SLC30A9: variants seen among roughly 807,000 people sequenced by gnomAD.
The protein encoded by SLC30A9 is solute carrier family 30 member 9.
A neutral mutation model predicts 87.5 loss-of-function variants in SLC30A9; 58 were observed. That is an observed-to-expected ratio of 0.66 (90% CI 0.54 to 0.82). The LOEUF is 0.82. SLC30A9 is among the 40% of genes least tolerant of loss of function. The probability of loss-of-function intolerance (pLI) is 0.00; values close to 1 mark genes in which losing one functional copy is unlikely to be tolerated. For missense variants in SLC30A9, 557 were observed against 679.1 expected (o/e 0.82, Z 2.00); for synonymous variants, 234 against 233.0 (o/e 1.00, Z -0.04).
intron 2 of SLC30A9, among the ~76,000 whole-genome samples, chr4:42,009,796 T>C (rs2581442): frequency 0.67 from 102,232 of 152,188 alleles, 37,291 homozygotes; most frequent in East Asian, 0.96. Flanking sequence ...AGTTCAATAA[T>C]GTTGAGCATT....
intron 15 of SLC30A9, 53 bp downstream of exon 15, chr4:42,070,744 CAG>C (rs771068316): frequency 2.1e-5 from 30 of 1,453,702 alleles, no homozygotes; most frequent in Non-Finnish European, 2.7e-5. Context: ...TATTAAAAAA[CAG>C]AAATGCCTGG....
At chr4:42,062,241 G>C (rs1370828619) in intron 10 of SLC30A9, among the ~76,000 whole-genome samples, 1 of 151,808 alleles carries the variant, frequency 6.6e-6, no homozygotes, top group African/African-American at 2.4e-5. Flanking sequence ...TCTCAGAAGA[G>C]TGCCACTGAG....
chr4:42,050,090 T>TGA (rs1717326474), intron 9 of SLC30A9, among the ~76,000 whole-genome samples: 1 of 152,066 alleles, frequency 6.6e-6, no homozygotes, highest in Non-Finnish European at 1.5e-5. Flanking sequence ...AGAACTTCAA[T>TGA]GAGAGACACA....
intron 9 of SLC30A9, among the ~76,000 whole-genome samples, chr4:42,058,296 C>A (rs1560554618): frequency 6.6e-6 from 1 of 152,122 alleles, no homozygotes; most frequent in Admixed American, 6.5e-5. Flanking sequence ...ACCTTTGCCC[C>A]AGTTTCCAAC....
intron 1 of SLC30A9, among the ~76,000 whole-genome samples, chr4:41,997,673 A>G (rs1406109145): frequency 3.3e-5 from 5 of 152,168 alleles, no homozygotes; most frequent in African/African-American, 7.2e-5. Context: ...TCATTCTTCT[A>G]TTAGGGAACA....
At chr4:42,065,940 A>G (rs1223557304) in intron 12 of SLC30A9, among the ~76,000 whole-genome samples, 1 of 152,180 alleles carries the variant, frequency 6.6e-6, no homozygotes, top group Non-Finnish European at 1.5e-5. Flanking sequence ...ATTAAACTGA[A>G]CTTTTAAAAT....
At chr4:42,018,074 G>C (rs1478567057) in intron 2 of SLC30A9, 37 bp from the exon 3 acceptor site, 1 of 1,121,924 alleles carries the variant, frequency 8.9e-7, no homozygotes, top group Non-Finnish European at 1.3e-6. Flanking sequence ...TATGAAAGCA[G>C]TTGTTTAATG....
chr4:42,071,644 A>G (rs1308590392), intron 15 of SLC30A9, among the ~76,000 whole-genome samples: 1 of 149,078 alleles, frequency 6.7e-6, no homozygotes, highest in African/African-American at 2.5e-5. Flanking sequence ...TCACTGTACT[A>G]TATTCTGGGC....
intron 9 of SLC30A9, among the ~76,000 whole-genome samples, chr4:42,052,523 G>A (rs1158988303): frequency 1.3e-5 from 2 of 152,260 alleles, no homozygotes; most frequent in Admixed American, 6.5e-5. Flanking sequence ...TTAGGACAGT[G>A]AGTTACTGGC....
rs1715981064 is a variant in SLC30A9 at position 42,022,076 on chromosome 4, CA to C, written c.435-761del. Among the ~76,000 whole-genome samples the C allele has an allele frequency of 2.7e-5, 2 of 73,968 alleles. 1 individual carries two copies. The highest frequency in any genetic ancestry group is 7.9e-5 in the Non-Finnish European group (2 of 25,452). 48.5% of individuals were successfully genotyped at this position (73,968 alleles called of 152,430 possible). On this transcript the variant is annotated intron_variant, in intron 4 of 17. Coordinates refer to ENST00000264451, the MANE Select transcript of SLC30A9 (RefSeq NM_006345.4). ...TCAGCCTCCCGAGTAGCTGGGACTA[CA>C]GGCGCCCGCCACCACGCCCGGCTAA...
At chr4:42,042,064 C>G (rs1218028817) in intron 8 of SLC30A9, among the ~76,000 whole-genome samples, 1 of 152,192 alleles carries the variant, frequency 6.6e-6, no homozygotes, top group African/African-American at 2.4e-5. Context: ...TCACAACCCA[C>G]AGACCAGGAG....
chr4:42,034,682 T>C (rs11730970), intron 6 of SLC30A9, among the ~76,000 whole-genome samples: 99,331 of 152,186 alleles, frequency 0.65, 36,923 homozygotes, highest in East Asian at 0.96. Flanking sequence ...CATCCATCCA[T>C]GGACATTTGG....
intron 8 of SLC30A9, among the ~76,000 whole-genome samples, chr4:42,041,820 C>G (rs1213093503): frequency 6.6e-6 from 1 of 152,206 alleles, no homozygotes; most frequent in African/African-American, 2.4e-5. Flanking sequence ...GAGATCCATG[C>G]AGAAGGTGGA....
chr4:42,067,283 A>T (rs1437283377), intron 14 of SLC30A9, 91 bp downstream of exon 14: 1 of 786,512 alleles, frequency 1.3e-6, no homozygotes, highest in Non-Finnish European at 2.2e-6. Context: ...ATTGAATAAT[A>T]TTAAACCAAC....
chr4:42,023,846 C>T (rs185529376), intron 6 of SLC30A9, among the ~76,000 whole-genome samples: 45 of 152,160 alleles, frequency 3.0e-4, no homozygotes, highest in Admixed American at 1.4e-3. Flanking sequence ...GGGAAGCAGG[C>T]GCATCTTAAC....
Position 42,001,600 on chromosome 4 carries a change from A to AT in SLC30A9, c.110-15dup, listed in dbSNP as rs1278243206. 1 of 1,529,196 alleles carries AT rather than the reference A, an allele frequency of 6.5e-7. No homozygotes were observed. The highest frequency in any genetic ancestry group is 2.3e-5 in the East Asian group (1 of 43,938). The allele number at this position is 1,529,196 out of a possible 1,614,324, so 94.7% of individuals were successfully genotyped here. ...GACTTGGTTTGAAATTAAAGTATAT[A>AT]TATTTTTTCTTTTAGAGTGGCAGAA... is the stretch of plus-strand genomic sequence containing the variant. On this transcript the variant is annotated splice_polypyrimidine_tract_variant and intron_variant, in intron 1 of 17. Coordinates refer to ENST00000264451, the MANE Select transcript of SLC30A9 (RefSeq NM_006345.4).
intron 15 of SLC30A9, among the ~76,000 whole-genome samples, chr4:42,072,561 T>G (rs764570139): frequency 6.6e-6 from 1 of 152,128 alleles, no homozygotes; most frequent in Admixed American, 6.5e-5. Flanking sequence ...TTGCACAGAT[T>G]TCTTTCCATT....
chr4:42,024,203 G>A (rs1481344359), intron 6 of SLC30A9, among the ~76,000 whole-genome samples: 1 of 152,142 alleles, frequency 6.6e-6, no homozygotes, highest in African/African-American at 2.4e-5. Flanking sequence ...AGACTCTTAG[G>A]AGCCAGGTGT....
rs139665246 is a variant in SLC30A9, at chr4:41,995,897, A to G, written c.109+5137A>G. On this transcript the variant is annotated intron_variant, in intron 1 of 17. Transcript: ENST00000264451. ...GCTAATTTTTATATTTTTGTTAGAG[A>G]CTGGGTTTCACCATGTTATCCAGGC... Among the ~76,000 whole-genome samples, 1,120 of 152,112 alleles carry G rather than the reference A, an allele frequency of 7.4e-3. 9 individuals carry two copies. The highest frequency in any genetic ancestry group is 0.026 in the African/African-American group (1,068 of 41,480).
Sources: gnomAD v4.1 joint callset for allele counts (sites outside exome capture counted in the v4.1 genomes callset) on GRCh38, gnomAD v4.1.1 for gene constraint, MANE v1.5 for transcripts, NCBI Gene and HGNC (gene_info 2026-07-23, HGNC 2026-07-21) for gene names.